Variants in STXBP4 observed in about 807,000 individuals in gnomAD.
The protein encoded by STXBP4 is syntaxin-binding protein 4.
Under a neutral mutation model 76.1 loss-of-function variants are expected in STXBP4, and 55 were observed. That is an observed-to-expected ratio of 0.72 (90% CI 0.58 to 0.91). The LOEUF (loss-of-function observed/expected upper bound fraction) is 0.91, where lower values mean the gene tolerates loss of function less well. STXBP4 is among the 40% of genes least tolerant of loss of function. The pLI is 0.00. For missense variants in STXBP4, 618 were observed against 636.9 expected (o/e 0.97, Z 0.32); for synonymous variants, 201 against 220.2 (o/e 0.91, Z 0.77).
intron 1 of STXBP4, among the ~76,000 whole-genome samples, chr17:54,970,077 G>A (rs887028301): frequency 1.3e-5 from 2 of 152,158 alleles, no homozygotes; most frequent in South Asian, 2.1e-4. Context: ...CAAAGGCCCA[G>A]GGGAAGGAAA....
At position 55,113,737 on chromosome 17, in the gene STXBP4, C is replaced by T. The variant is rs571108154; in HGVS notation, c.1490-27573C>T. On this transcript the variant is annotated intron_variant, in intron 16 of 17. Coordinates refer to ENST00000376352, the MANE Select transcript of STXBP4 (RefSeq NM_178509.6). ...TAACCCACCATGGAGAGGCAATCGT[C>T]ATTTACATTTTGGCCTAATTACTTT... Among the ~76,000 whole-genome samples, 9 of 152,222 alleles carry T rather than the reference C, an allele frequency of 5.9e-5. No individual in the cohort carries two copies. In the South Asian group the frequency reaches 1.9e-3, roughly 32 times the overall value.
chr17:55,042,484 A>G (rs1273353342), intron 10 of STXBP4, among the ~76,000 whole-genome samples: 1 of 152,144 alleles, frequency 6.6e-6, no homozygotes, highest in Non-Finnish European at 1.5e-5. Flanking sequence ...CCATGCTTAC[A>G]TAACAACCAC....
Position 55,166,829 on chromosome 17 carries a change from G to C in STXBP4, c.*6918G>C, listed in dbSNP as rs1394578020. On this transcript the variant is annotated 3_prime_UTR_variant, in exon 18 of 18. Coordinates refer to ENST00000376352, the MANE Select transcript of STXBP4 (RefSeq NM_178509.6). ...AATTTACTTTTATCTACTGAGCTGGGTTACTGAGTCTTAGAGGCTTGAAAT... is the reference window on the plus strand; with the variant it reads ...AATTTACTTTTATCTACTGAGCTGGCTTACTGAGTCTTAGAGGCTTGAAAT... 1 of 152,148 alleles carries C rather than the reference G, an allele frequency of 6.6e-6. No homozygotes were observed. Among genetic ancestry groups the C allele is most frequent in the African/African-American group, 2.4e-5 (1 of 41,422 alleles). 9.4% of individuals were successfully genotyped at this position (152,148 alleles called of 1,614,324 possible).
At chr17:55,109,476 A>G (rs1348562558) in intron 16 of STXBP4, among the ~76,000 whole-genome samples, 1 of 152,162 alleles carries the variant, frequency 6.6e-6, no homozygotes, top group African/African-American at 2.4e-5. Flanking sequence ...GGATCTATCC[A>G]TTTACAATGA....
At chr17:54,982,594 TTGTGTGTGTGTGTGTGTGTG>T (rs61223151) in intron 1 of STXBP4, among the ~76,000 whole-genome samples, 1 of 149,086 alleles carries the variant, frequency 6.7e-6, no homozygotes, top group African/African-American at 2.5e-5. Context: ...TGAGGGTGGT[TTGTGTGTGTGTGTGTGTGTG>T]TGTGTGTGTG....
At chr17:55,124,939 C>T (rs746517710) in intron 16 of STXBP4, among the ~76,000 whole-genome samples, 2 of 152,164 alleles carry the variant, frequency 1.3e-5, no homozygotes, top group South Asian at 4.1e-4. Flanking sequence ...CTTCTGAGGA[C>T]ACTAACTTTG....
chr17:55,031,944 A>G (rs1246138411), intron 9 of STXBP4, among the ~76,000 whole-genome samples: 1 of 152,216 alleles, frequency 6.6e-6, no homozygotes, highest in East Asian at 1.9e-4. Context: ...TTATTGTACT[A>G]TAATATTAAG....
intron 8 of STXBP4, among the ~76,000 whole-genome samples, chr17:55,017,252 CCTCTGTCTCTCTCCT>C: frequency 6.6e-6 from 1 of 152,170 alleles, no homozygotes; most frequent in East Asian, 1.9e-4. Context: ...CTCCTCTCTG[CCTCTGTCTCTCTCCT>C]CTCTGTCTCT....
chr17:55,063,256 T>G (rs1327131526), intron 12 of STXBP4, among the ~76,000 whole-genome samples: 1 of 152,262 alleles, frequency 6.6e-6, no homozygotes, highest in South Asian at 2.1e-4. Flanking sequence ...AATAGTTGTT[T>G]GTCTTTTTAA....
chr17:55,106,553 T>G (rs1457683701), intron 16 of STXBP4, among the ~76,000 whole-genome samples: 2 of 152,226 alleles, frequency 1.3e-5, no homozygotes. Context: ...TTCTTCATAG[T>G]GTCAATGGTC....
intron 16 of STXBP4, among the ~76,000 whole-genome samples, chr17:55,106,856 C>T (rs916838166): frequency 2.1e-4 from 32 of 152,214 alleles, no homozygotes; most frequent in African/African-American, 7.7e-4. Context: ...TTCTCTCTGG[C>T]TGCCCTTAAC....
intron 3 of STXBP4, among the ~76,000 whole-genome samples, chr17:54,988,886 A>G (rs1479246704): frequency 6.6e-6 from 1 of 152,200 alleles, no homozygotes; most frequent in African/African-American, 2.4e-5. Flanking sequence ...GGCCTTCCCA[A>G]ATTAGAGCTG....
At chr17:55,183,066 T>C in the STXBP4 span, among the ~76,000 whole-genome samples, 14 of 152,322 alleles carry the variant, frequency 9.2e-5, no homozygotes, top group South Asian at 4.1e-4. Flanking sequence ...TTACATCTCA[T>C]AGAGTTTTAA....
intron 15 of STXBP4, among the ~76,000 whole-genome samples, chr17:55,079,554 T>C (rs1224395209): frequency 1.3e-5 from 2 of 150,936 alleles, no homozygotes; most frequent in African/African-American, 4.9e-5. Context: ...GCCCAGGAGT[T>C]TGAGACAAGG....
At chr17:55,014,635 C>T (rs1273266313) in intron 8 of STXBP4, among the ~76,000 whole-genome samples, 3 of 152,126 alleles carry the variant, frequency 2.0e-5, no homozygotes, top group African/African-American at 7.2e-5. Flanking sequence ...TGGGCTGGCA[C>T]TTCCCTGGGC....
intron 12 of STXBP4, among the ~76,000 whole-genome samples, chr17:55,058,311 T>C (rs561824132): frequency 5.7e-4 from 87 of 152,312 alleles, no homozygotes; most frequent in Admixed American, 1.2e-3. Flanking sequence ...CCAGTGATGA[T>C]GAGCTTTTTT....
At chr17:55,024,470 C>G (rs982803054) in intron 8 of STXBP4, among the ~76,000 whole-genome samples, 14 of 152,188 alleles carry the variant, frequency 9.2e-5, no homozygotes, top group African/African-American at 2.7e-4. Context: ...AGCAAAACTT[C>G]TGATGGTGGA....
At chr17:55,027,243 C>T (rs1228624018) in intron 8 of STXBP4, among the ~76,000 whole-genome samples, 1 of 152,184 alleles carries the variant, frequency 6.6e-6, no homozygotes, top group Non-Finnish European at 1.5e-5. Context: ...CTTGCCTGAC[C>T]TAGCTCCCCC....
chr17:55,070,507 G>C (rs889315817), intron 12 of STXBP4, among the ~76,000 whole-genome samples: 1 of 152,074 alleles, frequency 6.6e-6, no homozygotes, highest in African/African-American at 2.4e-5. Context: ...TTAGATACAA[G>C]GAAATAAAGT....
Sources: gnomAD v4.1 joint callset for allele counts (sites outside exome capture counted in the v4.1 genomes callset) on GRCh38, gnomAD v4.1.1 for gene constraint, MANE v1.5 for transcripts, NCBI Gene and HGNC (gene_info 2026-07-23, HGNC 2026-07-21) for gene names.